The following CCDC148 variants were observed in gnomAD, a reference collection of about 807,000 sequenced individuals.
CCDC148 encodes coiled-coil domain-containing protein 148.
In CCDC148, 89 loss-of-function variants were observed where a neutral mutation model predicts 85.7. That is an observed-to-expected ratio of 1.04 (90% CI 0.87 to 1.24). CCDC148 has a LOEUF of 1.24. CCDC148 is among the 50% of genes most tolerant of loss of function. CCDC148 has a pLI of 0.00. For synonymous variants in CCDC148, 230 were observed against 213.9 expected, an observed-to-expected ratio of 1.08 and a Z score of -0.66; for missense variants, 692 against 671.7, an observed-to-expected ratio of 1.03 and a Z score of -0.33.
chr2:158,329,586 T>C (rs894426885), intron 7 of CCDC148, among the ~76,000 whole-genome samples: 1 of 152,064 alleles, frequency 6.6e-6, no homozygotes, highest in African/African-American at 2.4e-5. Flanking sequence ...ATTGAATCTA[T>C]AAATTACCTT....
At chr2:158,175,453 C>T (rs1416169447) in intron 13 of CCDC148, among the ~76,000 whole-genome samples, 4 of 152,080 alleles carry the variant, frequency 2.6e-5, no homozygotes, top group East Asian at 1.9e-4. Flanking sequence ...CTTCTCCAGT[C>T]GGGGTTAGCC....
intron 1 of CCDC148, among the ~76,000 whole-genome samples, chr2:158,436,633 G>C (rs946255656): frequency 1.3e-5 from 2 of 151,426 alleles, no homozygotes; most frequent in Admixed American, 1.3e-4. Flanking sequence ...GATCAGAGCA[G>C]AACGGAAGGA....
chr2:158,321,021 A>G (rs1692496436), intron 7 of CCDC148, among the ~76,000 whole-genome samples: 1 of 152,148 alleles, frequency 6.6e-6, no homozygotes, highest in Non-Finnish European at 1.5e-5. Context: ...GGTAAACTCT[A>G]AGACTAGTTT....
chr2:158,449,119 C>A (rs1688286353), intron 1 of CCDC148, among the ~76,000 whole-genome samples: 1 of 152,164 alleles, frequency 6.6e-6, no homozygotes, highest in Non-Finnish European at 1.5e-5. Flanking sequence ...AGCCACCGTG[C>A]CCGACCGGAA....
At chr2:158,410,661 T>G (rs1686218366) in intron 1 of CCDC148, among the ~76,000 whole-genome samples, 1 of 152,140 alleles carries the variant, frequency 6.6e-6, no homozygotes, top group Admixed American at 6.6e-5. Flanking sequence ...CGTTGTGTTC[T>G]TACAGTCAGA....
chr2:158,309,949 G>C (rs1691896522), intron 8 of CCDC148, among the ~76,000 whole-genome samples: 1 of 152,126 alleles, frequency 6.6e-6, no homozygotes, highest in Non-Finnish European at 1.5e-5. Flanking sequence ...TATTTATTGA[G>C]CATTCTTGGG....
At chr2:158,255,292 C>T (rs1015376379) in intron 9 of CCDC148, among the ~76,000 whole-genome samples, 2 of 149,790 alleles carry the variant, frequency 1.3e-5, no homozygotes, top group Non-Finnish European at 3.0e-5. Context: ...TATAATGGTA[C>T]CAGGAAAAAA....
intron 11 of CCDC148, among the ~76,000 whole-genome samples, chr2:158,212,565 C>T (rs1686637123): frequency 6.6e-6 from 1 of 152,132 alleles, no homozygotes; most frequent in Non-Finnish European, 1.5e-5. Context: ...AGAAAGGCAG[C>T]TGGCTCTAGT....
chr2:158,339,901 T>A (rs1460880622), intron 5 of CCDC148, among the ~76,000 whole-genome samples: 1 of 152,148 alleles, frequency 6.6e-6, no homozygotes, highest in Non-Finnish European at 1.5e-5. Flanking sequence ...ACTTATGTAC[T>A]CACAGGAGCC....
At chr2:158,176,991 C>T (rs1336612682) in intron 12 of CCDC148, among the ~76,000 whole-genome samples, 4 of 152,048 alleles carry the variant, frequency 2.6e-5, no homozygotes, top group Non-Finnish European at 4.4e-5. Flanking sequence ...CTTACATATT[C>T]AACCAACTTG....
At chr2:158,373,342 T>C (rs1312981484) in intron 1 of CCDC148, among the ~76,000 whole-genome samples, 1 of 152,078 alleles carries the variant, frequency 6.6e-6, no homozygotes, top group Non-Finnish European at 1.5e-5. Flanking sequence ...ACCTCCAGAA[T>C]TGTAAGATCA....
At chr2:158,272,300 G>A (rs1275742471) in intron 9 of CCDC148, among the ~76,000 whole-genome samples, 4 of 152,148 alleles carry the variant, frequency 2.6e-5, no homozygotes, top group Non-Finnish European at 5.9e-5. Context: ...GACCAAGACA[G>A]TATATGAGTC....
At chr2:158,415,907 T>C (rs1212402560) in intron 1 of CCDC148, among the ~76,000 whole-genome samples, 1 of 152,186 alleles carries the variant, frequency 6.6e-6, no homozygotes, top group Non-Finnish European at 1.5e-5. Flanking sequence ...CATCTCCACA[T>C]TTCCCCTCTA....
chr2:158,425,087 A>G, intron 1 of CCDC148: 1 of 465,316 alleles, frequency 2.1e-6, no homozygotes, highest in Non-Finnish European at 4.3e-6. Context: ...ATTGGAATCA[A>G]TGATCTAGTG....
In CCDC148 at chr2:158,351,404, G is replaced by A. The variant is rs374465018; in HGVS notation, c.148-6086C>T. ...CAACGTGCGCGAGCCGAAGCAGGGC[G>A]AGGCACTGCCTCACTTGGGAAGCGC... On this transcript the variant is annotated intron_variant, in intron 2 of 13. Transcript: ENST00000283233. 1.8e-4 allele frequency among the ~76,000 whole-genome samples: 28 copies of A among 152,254 alleles called. 2 individuals are homozygous for A. The highest frequency in any genetic ancestry group is 1.3e-3 in the Admixed American group (20 of 15,298).
At chr2:158,221,951 C>T (rs1183150405) in intron 10 of CCDC148, among the ~76,000 whole-genome samples, 1 of 151,952 alleles carries the variant, frequency 6.6e-6, no homozygotes, top group Non-Finnish European at 1.5e-5. Context: ...GTTCTAGAGT[C>T]CTAACTGATA....
intron 9 of CCDC148, among the ~76,000 whole-genome samples, chr2:158,295,236 C>T (rs1018096450): frequency 6.6e-6 from 1 of 151,950 alleles, no homozygotes; most frequent in Admixed American, 6.6e-5. Context: ...TAATCAATAG[C>T]TTACCAACCA....
intron 11 of CCDC148, among the ~76,000 whole-genome samples, chr2:158,190,163 T>C (rs905733089): frequency 3.3e-5 from 5 of 151,888 alleles, no homozygotes; most frequent in African/African-American, 1.2e-4. Context: ...CTTTTGAGAA[T>C]AAGGAGCCAT....
chr2:158,368,589 A>T (rs1684300276), intron 1 of CCDC148, among the ~76,000 whole-genome samples: 1 of 152,122 alleles, frequency 6.6e-6, no homozygotes, highest in Admixed American at 6.6e-5. Context: ...TCAAAATGCT[A>T]AGCCTTTTAG....
Sources: allele counts gnomAD v4.1 joint callset (sites outside exome capture counted in the v4.1 genomes callset), GRCh38; gene constraint gnomAD v4.1.1; transcripts MANE v1.5; gene names NCBI Gene and HGNC (gene_info 2026-07-23, HGNC 2026-07-21).